Variants in BCL2 observed in about 807,000 individuals in gnomAD.
The protein encoded by BCL2 is apoptosis regulator Bcl-2.
A neutral mutation model predicts 14.2 loss-of-function variants in BCL2; 1 was observed. The ratio of observed to expected loss-of-function variants is 0.07; its 90% confidence interval spans 0.02 to 0.33. The LOEUF is 0.33. Ranked by LOEUF, BCL2 falls within the 10% of genes least tolerant of loss-of-function variation. The pLI is 0.99. For missense variants in BCL2, 247 were observed against 305.9 expected (o/e 0.81, Z 1.44); for synonymous variants, 151 against 137.2 (o/e 1.10, Z -0.70).
chr18:63,291,426 G>A (rs192694344), intron 2 of BCL2, among the ~76,000 whole-genome samples: 5 of 152,300 alleles, frequency 3.3e-5, no homozygotes, highest in South Asian at 2.1e-4. Context: ...TGATGGGAAC[G>A]TGACCTAGTT....
intron 2 of BCL2, among the ~76,000 whole-genome samples, chr18:63,257,781 G>GT (rs1911524541): frequency 6.6e-6 from 1 of 152,206 alleles, no homozygotes; most frequent in Non-Finnish European, 1.5e-5. Flanking sequence ...CCAAGAATTT[G>GT]TTTGAGAAAT....
chr18:63,282,401 A>G (rs1369229378), intron 2 of BCL2, among the ~76,000 whole-genome samples: 2 of 152,228 alleles, frequency 1.3e-5, no homozygotes, highest in Non-Finnish European at 2.9e-5. Flanking sequence ...TCAAGTTTCA[A>G]AATACTTGCC....
chr18:63,190,257 C>G (rs530044938), intron 2 of BCL2, among the ~76,000 whole-genome samples: 1 of 152,256 alleles, frequency 6.6e-6, no homozygotes, highest in South Asian at 2.1e-4. Flanking sequence ...TAACAATTAC[C>G]ACCCTGAGAT....
intron 2 of BCL2, among the ~76,000 whole-genome samples, chr18:63,274,109 A>G (rs1055485731): frequency 6.6e-6 from 1 of 151,986 alleles, no homozygotes; most frequent in Non-Finnish European, 1.5e-5. Flanking sequence ...CCTTGAGATT[A>G]GGAAGGAGGG....
chr18:63,259,924 A>T (rs1911606113), intron 2 of BCL2, among the ~76,000 whole-genome samples: 1 of 152,176 alleles, frequency 6.6e-6, no homozygotes, highest in Non-Finnish European at 1.5e-5. Context: ...TCAATTGCAC[A>T]CATCTGCTTT....
chr18:63,291,056 G>A lies in BCL2; in HGVS notation c.585+27026C>T, dbSNP rs111978185. On this transcript the variant is annotated intron_variant, in intron 2 of 2. Transcript: ENST00000333681. ...GAACAAAAGCCTGACTTCAACACCC[G>A]GCACCCACAGCTGTTTTCCACGAAT... Among the ~76,000 whole-genome samples the A allele has an allele frequency of 1.2e-4, 19 of 152,118 alleles. 1 individual carries two copies. The highest frequency in any genetic ancestry group is 3.9e-4 in the African/African-American group (16 of 41,472).
chr18:63,131,080 C>G (rs1308291110), intron 2 of BCL2, among the ~76,000 whole-genome samples: 2 of 152,040 alleles, frequency 1.3e-5, no homozygotes, highest in African/African-American at 4.8e-5. Context: ...GTTCAACATC[C>G]CACAATGCAC....
In BCL2 at chr18:63,151,527, G is replaced by A. The variant is rs1344437578; in HGVS notation, c.586-22768C>T. Among the ~76,000 whole-genome samples, 5 of 146,198 alleles carry A rather than the reference G, an allele frequency of 3.4e-5. No individual in the cohort carries two copies. In the East Asian group the frequency reaches 8.0e-4, roughly 23 times the overall value. On this transcript the variant is annotated intron_variant, in intron 2 of 2. Transcript: ENST00000333681. ...GATGAGGGGCTGGGGGCGAGGGGAG[G>A]GGACAGCATAGGCTACAGGGGGAGG...
At position 63,128,571 on chromosome 18, in the gene BCL2, T is replaced by C; in HGVS notation, c.*54A>G. 1.3e-6 allele frequency: 1 copy of C among 766,820 alleles called. No homozygotes were observed. Among genetic ancestry groups the C allele is most frequent in the East Asian group, 2.4e-5 (1 of 41,000 alleles). 47.5% of individuals were successfully genotyped at this position (766,820 alleles called of 1,614,324 possible). A position where few individuals can be genotyped will look rare whatever the true frequency, so the allele number is the denominator to read the frequency against. ...GTACATCACTGACAATGCATATTAT[T>C]TCTACTGCTTTAGTGAACCTTTTGC... On this transcript the variant is annotated 3_prime_UTR_variant, in exon 3 of 3. Transcript: ENST00000333681.
chr18:63,141,006 G>A (rs1391374841), intron 2 of BCL2, among the ~76,000 whole-genome samples: 2 of 152,178 alleles, frequency 1.3e-5, no homozygotes, highest in Non-Finnish European at 2.9e-5. Context: ...AAGAACTGTA[G>A]TAGGAGGTGG....
intron 2 of BCL2, among the ~76,000 whole-genome samples, chr18:63,150,531 C>T (rs1330579798): frequency 6.7e-6 from 1 of 148,790 alleles, no homozygotes; most frequent in African/African-American, 2.4e-5. Context: ...ACTTTCTCTC[C>T]GCATTTTCTT....
intron 2 of BCL2, among the ~76,000 whole-genome samples, chr18:63,310,871 A>G (rs1913296507): frequency 6.6e-6 from 1 of 152,172 alleles, no homozygotes; most frequent in African/African-American, 2.4e-5. Flanking sequence ...CCCTGTTCTT[A>G]TAATTTTGTT....
At chr18:63,175,027 G>A (rs1292499062) in intron 2 of BCL2, among the ~76,000 whole-genome samples, 1 of 152,068 alleles carries the variant, frequency 6.6e-6, no homozygotes. Context: ...ATTGTTTGAA[G>A]TCTACCACAT....
chr18:63,231,574 C>A (rs1910689089), intron 2 of BCL2, among the ~76,000 whole-genome samples: 1 of 151,808 alleles, frequency 6.6e-6, no homozygotes, highest in Non-Finnish European at 1.5e-5. Flanking sequence ...ATGTAATTTT[C>A]ATAAGATGTC....
In BCL2 at chr18:63,169,389, T is replaced by TTG; in HGVS notation, c.586-40631_586-40630insCA. ...TCTTTCTCTTTCTTTCTTTCTTTCT[T>TTG]TTTCTTTCTTTCTTTTTCTTTCTCT... On this transcript the variant is annotated intron_variant, in intron 2 of 2. Transcript: ENST00000333681. Among the ~76,000 whole-genome samples, 2 of 40,798 alleles carry TTG rather than the reference T, an allele frequency of 4.9e-5. 1 individual carries two copies. Among genetic ancestry groups the TTG allele is most frequent in the South Asian group, 1.7e-3 (2 of 1,194 alleles). The allele number at this position is 40,798 out of a possible 152,430, so 26.8% of individuals were successfully genotyped here. A position where few individuals can be genotyped will look rare whatever the true frequency, so the allele number is the denominator to read the frequency against.
intron 2 of BCL2, among the ~76,000 whole-genome samples, chr18:63,307,473 C>T (rs1287255524): frequency 5.9e-5 from 9 of 152,206 alleles, no homozygotes. Context: ...AAATAGAAAA[C>T]TAATAACCCC....
At chr18:63,172,222 G>A (rs973383025) in intron 2 of BCL2, among the ~76,000 whole-genome samples, 2 of 152,154 alleles carry the variant, frequency 1.3e-5, no homozygotes, top group Non-Finnish European at 2.9e-5. Context: ...GATGGACAGA[G>A]CACTTCACCT....
chr18:63,209,245 ACT>A (rs1909930835), intron 2 of BCL2, among the ~76,000 whole-genome samples: 2 of 151,958 alleles, frequency 1.3e-5, no homozygotes, highest in African/African-American at 2.4e-5. Context: ...AGGGGCCGTG[ACT>A]CTCTGTTTTC....
chr18:63,132,281 G>A (rs2144588409), intron 2 of BCL2, among the ~76,000 whole-genome samples: 1 of 152,294 alleles, frequency 6.6e-6, no homozygotes, highest in South Asian at 2.1e-4. Context: ...GTCACTCAAA[G>A]CCATTTGTAA....
Sources: allele counts gnomAD v4.1 joint callset (sites outside exome capture counted in the v4.1 genomes callset), GRCh38; gene constraint gnomAD v4.1.1; transcripts MANE v1.5; gene names NCBI Gene and HGNC (gene_info 2026-07-23, HGNC 2026-07-21).